Variants in RPTOR observed in about 807,000 individuals in gnomAD.
The protein encoded by RPTOR is regulatory associated protein of MTOR complex 1, also known as regulatory-associated protein of mTOR.
Under a neutral mutation model 169.9 loss-of-function variants are expected in RPTOR, and 21 were observed. That is an observed-to-expected ratio of 0.12 (90% confidence interval 0.09 to 0.18). The LOEUF (loss-of-function observed/expected upper bound fraction) is 0.18, where lower values mean the gene tolerates loss of function less well. Ranked by LOEUF, RPTOR falls within the 10% of genes least tolerant of loss-of-function variation. RPTOR has a pLI of 1.00. For synonymous variants in RPTOR, 732 were observed against 753.2 expected, an observed-to-expected ratio of 0.97 and a Z score of 0.46; for missense variants, 1,133 against 1,855.9, an observed-to-expected ratio of 0.61 and a Z score of 7.16.
intron 11 of RPTOR, among the ~76,000 whole-genome samples, chr17:80,848,889 C>T (rs2067761842): frequency 6.6e-6 from 1 of 152,230 alleles, no homozygotes; most frequent in African/African-American, 2.4e-5. Context: ...CTGGAGGCAG[C>T]TTTCTGATGG....
intron 1 of RPTOR, among the ~76,000 whole-genome samples, chr17:80,553,908 A>G (rs907575535): frequency 6.7e-6 from 1 of 150,224 alleles, no homozygotes; most frequent in African/African-American, 2.5e-5. Context: ...CGCCTGGCTA[A>G]TTTTCATATT....
chr17:80,794,925 G>C lies in RPTOR; in HGVS notation c.890+3416G>C, dbSNP rs116144005. On this transcript the variant is annotated intron_variant, in intron 7 of 33. Coordinates refer to ENST00000306801, the MANE Select transcript of RPTOR (RefSeq NM_020761.3). ...GAGGGGTGGAGAGTGTGGCTGTGAGGGGCTAGCGGGAGGGGCCTGGGGGTG... is the reference window on the plus strand; with the variant it reads ...GAGGGGTGGAGAGTGTGGCTGTGAGCGGCTAGCGGGAGGGGCCTGGGGGTG... 5.0e-3 allele frequency among the ~76,000 whole-genome samples: 765 copies of C among 152,264 alleles called. 12 individuals carry two copies. The highest frequency in any genetic ancestry group is 0.018 in the African/African-American group (740 of 41,534).
At chr17:80,546,642 C>T (rs1039145516) in intron 1 of RPTOR, among the ~76,000 whole-genome samples, 1 of 152,142 alleles carries the variant, frequency 6.6e-6, no homozygotes, top group South Asian at 2.1e-4. Context: ...CTTTTATTTG[C>T]ACATTTCAGT....
chr17:80,645,972 A>G (rs976904563), intron 3 of RPTOR, among the ~76,000 whole-genome samples: 17 of 152,352 alleles, frequency 1.1e-4, no homozygotes, highest in Admixed American at 9.8e-4. Context: ...TTCTCTGAGT[A>G]AGAGATCGTT....
chr17:80,614,617 G>GA (rs1187355849), intron 1 of RPTOR, among the ~76,000 whole-genome samples: 5 of 152,164 alleles, frequency 3.3e-5, no homozygotes, highest in African/African-American at 1.2e-4. Flanking sequence ...GAATGTTAAA[G>GA]AAAAAATATT....
At chr17:80,640,650 C>T (rs188262562) in intron 2 of RPTOR, among the ~76,000 whole-genome samples, 132 of 152,298 alleles carry the variant, frequency 8.7e-4, no homozygotes, top group Non-Finnish European at 1.6e-3. Context: ...TCTCTACTAA[C>T]GAGGGCCGCC....
Position 80,883,489 on chromosome 17 carries a change from G to A in RPTOR, c.1650+5G>A. ...AACAGCTATCACACGGGGCAGGTGA[G>A]CCCCCCAGCCACCCCCAGCCCCAGA... On this transcript the variant is annotated splice_donor_5th_base_variant and intron_variant, in intron 15 of 33. Transcript: ENST00000306801. The A allele has an allele frequency of 1.2e-6, 2 of 1,613,684 alleles. No individual in the cohort carries two copies. The highest frequency in any genetic ancestry group is 1.7e-6 in the Non-Finnish European group (2 of 1,179,788).
chr17:80,878,014 G>GCT lies in RPTOR; in HGVS notation c.1510-2399_1510-2398dup, dbSNP rs947904936. On this transcript the variant is annotated intron_variant, in intron 13 of 33. Coordinates refer to ENST00000306801, the MANE Select transcript of RPTOR (RefSeq NM_020761.3). The surrounding 1 kb of genome is among the most constrained non-coding windows in gnomAD (Gnocchi z 4.1). ...ACCAGCAGATTCCCTCTGCAAAACTGCTCCTGCCTCAGTGGGAAAGGGCCA... is the reference window on the plus strand; with the variant it reads ...ACCAGCAGATTCCCTCTGCAAAACTGCTCTCCTGCCTCAGTGGGAAAGGGCCA... Among the ~76,000 whole-genome samples, 30 of 152,306 alleles carry GCT rather than the reference G, an allele frequency of 2.0e-4. No homozygotes were observed. The highest frequency in any genetic ancestry group is 6.5e-4 in the African/African-American group (27 of 41,566).
chr17:80,613,186 C>T (rs369186165), intron 1 of RPTOR, among the ~76,000 whole-genome samples: 1 of 152,242 alleles, frequency 6.6e-6, no homozygotes, highest in Non-Finnish European at 1.5e-5. Flanking sequence ...TGGCAGCCTC[C>T]GTGGCCCGTC....
intron 5 of RPTOR, among the ~76,000 whole-genome samples, chr17:80,736,998 A>C (rs2066438938): frequency 6.6e-6 from 1 of 152,246 alleles, no homozygotes; most frequent in Non-Finnish European, 1.5e-5. Context: ...ATTTGTAGGC[A>C]GTAGGGACGT....
chr17:80,885,109 G>A lies in RPTOR; in HGVS notation c.1944G>A (p.Leu648=). 6.3e-7 allele frequency: 1 copy of A among 1,579,336 alleles called. No homozygotes were observed. Among genetic ancestry groups the A allele is most frequent in the South Asian group, 1.2e-5 (1 of 86,102 alleles). ...TTIDHNVAMM[L]AQLVSDGSPM... is the part of the protein sequence containing the mutation. ...TCGACCACAACGTGGCCATGATGCT[G>A]GCCCAGCTGGTCAGCGACGGGAGCC... is the stretch of plus-strand genomic sequence containing the variant. The change falls in exon 17 of 34, where the codon CTG becomes CTA. Residue 648 remains leucine, a synonymous_variant. Coordinates refer to ENST00000306801, the MANE Select transcript of RPTOR (RefSeq NM_020761.3).
In RPTOR at chr17:80,559,920, T is replaced by G. The variant is rs570050028; in HGVS notation, c.162+14129T>G. Among the ~76,000 whole-genome samples, 10 of 152,348 alleles carry G rather than the reference T, an allele frequency of 6.6e-5. No homozygotes were observed. In the South Asian group the frequency reaches 1.7e-3, roughly 25 times the overall value. ...TGGTGAAATGCACAGACCCCAGCTA[T>G]CTGAACAATTGGCTCATGCTGTCTA... is the stretch of plus-strand genomic sequence containing the variant. On this transcript the variant is annotated intron_variant, in intron 1 of 33. Coordinates refer to ENST00000306801, the MANE Select transcript of RPTOR (RefSeq NM_020761.3).
chr17:80,813,152 T>G (rs1307462857), intron 7 of RPTOR, among the ~76,000 whole-genome samples: 1 of 152,222 alleles, frequency 6.6e-6, no homozygotes. Flanking sequence ...ACTTTAATTA[T>G]GATCACTCAA....
rs116880720 is a variant in RPTOR at position 80,770,403 on chromosome 17, G to A, written c.830+16218G>A. On this transcript the variant is annotated intron_variant, in intron 6 of 33. Transcript: ENST00000306801. Reference sequence around the variant, plus strand: ...AAAGCCTGTTTGAGAAGACATGTTCGTATCTCAGCAGCAGCGTGGTCCGGG... The same window carrying A: ...AAAGCCTGTTTGAGAAGACATGTTCATATCTCAGCAGCAGCGTGGTCCGGG... 5.2e-4 allele frequency among the ~76,000 whole-genome samples: 79 copies of A among 152,288 alleles called. No homozygotes were observed. The East Asian group carries it at 0.013, about 25-fold the overall frequency.
chr17:80,744,443 T>G (rs1189435192), intron 5 of RPTOR, among the ~76,000 whole-genome samples: 4 of 86,146 alleles, frequency 4.6e-5, no homozygotes, highest in East Asian at 2.7e-4. Context: ...CCCTGGCTAC[T>G]AGCACTGTCC....
At chr17:80,850,849 C>A (rs892117782) in intron 11 of RPTOR, among the ~76,000 whole-genome samples, 23 of 152,244 alleles carry the variant, frequency 1.5e-4, no homozygotes, top group African/African-American at 4.8e-4. Flanking sequence ...CACTCCAGGG[C>A]TGGAACTGGA....
At chr17:80,680,718 A>G (rs1163082742) in intron 3 of RPTOR, among the ~76,000 whole-genome samples, 2 of 152,102 alleles carry the variant, frequency 1.3e-5, no homozygotes, top group East Asian at 3.9e-4. Context: ...AGATCAGCCA[A>G]TGAGTGACAT....
chr17:80,864,497 A>G (rs1033972347), intron 13 of RPTOR, among the ~76,000 whole-genome samples: 1 of 147,288 alleles, frequency 6.8e-6, no homozygotes, highest in Non-Finnish European at 1.5e-5. Flanking sequence ...AAGCAGAGAG[A>G]GAGACAGAGA....
chr17:80,602,629 T>G, intron 1 of RPTOR: 1 of 656,720 alleles, frequency 1.5e-6, no homozygotes, highest in Non-Finnish European at 2.9e-6. Flanking sequence ...TAGAACTTAT[T>G]TGGTGAATCT....
Sources: gnomAD v4.1 joint callset for allele counts (sites outside exome capture counted in the v4.1 genomes callset) on GRCh38, gnomAD v4.1.1 for gene constraint, Gnocchi (gnomAD v3.1) non-coding constraint, MANE v1.5 for transcripts, NCBI Gene and HGNC (gene_info 2026-07-23, HGNC 2026-07-21) for gene names.